LRMDA: variants seen among roughly 807,000 people sequenced by gnomAD.
LRMDA encodes the protein leucine-rich melanocyte differentiation-associated protein.
In LRMDA, 18 loss-of-function variants were observed where a neutral mutation model predicts 29.8. The observed-to-expected ratio is 0.60, with a 90% CI of 0.42 to 0.90. The LOEUF (loss-of-function observed/expected upper bound fraction) is 0.90. LRMDA is among the 40% of genes least tolerant of loss of function. The pLI is 0.00. For synonymous variants in LRMDA, 125 were observed against 109.4 expected (o/e 1.14, Z -0.89); for missense variants, 273 against 273.9 (o/e 1.00, Z 0.02).
chr10:75,474,370 A>G (rs905451111), intron 2 of LRMDA, among the ~76,000 whole-genome samples: 1 of 152,230 alleles, frequency 6.6e-6, no homozygotes, highest in South Asian at 2.1e-4. Context: ...GGGAAGTCCA[A>G]GATCAAGGGA....
chr10:76,172,149 G>A (rs1165331585), intron 5 of LRMDA, among the ~76,000 whole-genome samples: 1 of 152,102 alleles, frequency 6.6e-6, no homozygotes, highest in Admixed American at 6.6e-5. Context: ...GAAGGCACTG[G>A]GCATTAATCT....
rs1260570984 is a variant in LRMDA at position 75,796,342 on chromosome 10, A to G, written c.132-239666A>G. ...AGAAGTTCTTACATGCCTTTTATCAACTTGAGGAAGTTCCCTTATATTCCT... is the reference window on the plus strand; with the variant it reads ...AGAAGTTCTTACATGCCTTTTATCAGCTTGAGGAAGTTCCCTTATATTCCT... On this transcript the variant is annotated intron_variant, in intron 2 of 6. Coordinates refer to ENST00000611255, the MANE Select transcript of LRMDA (RefSeq NM_001305581.2). 6.6e-5 allele frequency among the ~76,000 whole-genome samples: 10 copies of G among 152,288 alleles called. No individual in the cohort carries two copies. In the South Asian group the frequency reaches 2.1e-3, roughly 32 times the overall value.
rs375718396 is a variant in LRMDA at position 75,696,521 on chromosome 10, T to C, written c.131+258027T>C. Among the ~76,000 whole-genome samples, 18 of 152,368 alleles carry C rather than the reference T, an allele frequency of 1.2e-4. No individual in the cohort carries two copies. The East Asian group carries it at 3.1e-3, about 26-fold the overall frequency. On this transcript the variant is annotated intron_variant, in intron 2 of 6. Transcript: ENST00000611255. ...ATTGGTTATTCACAAAAGATACTTA[T>C]TAAAAACCTTCTCTGAACATAAAAA...
At chr10:76,386,385 AT>A (rs1267249386) in intron 6 of LRMDA, among the ~76,000 whole-genome samples, 33 of 152,244 alleles carry the variant, frequency 2.2e-4, no homozygotes, top group African/African-American at 7.7e-4. Context: ...CTGCTCACCC[AT>A]TTTCGGTTAA....
At chr10:76,141,329 G>A (rs1387003773) in intron 5 of LRMDA, among the ~76,000 whole-genome samples, 2 of 151,978 alleles carry the variant, frequency 1.3e-5, no homozygotes, top group African/African-American at 4.8e-5. Context: ...GGCAGCAATG[G>A]ATTACTAAAA....
At chr10:75,749,625 C>CT (rs76643743) in intron 2 of LRMDA, among the ~76,000 whole-genome samples, 1,643 of 128,716 alleles carry the variant, frequency 0.013, 7 homozygotes, top group African/African-American at 0.016. Flanking sequence ...AATATAGAAA[C>CT]TTTTTTTTTT....
chr10:75,926,188 A>G (rs1846117316), intron 2 of LRMDA, among the ~76,000 whole-genome samples: 1 of 152,124 alleles, frequency 6.6e-6, no homozygotes, highest in African/African-American at 2.4e-5. Context: ...CTTTCTGGGA[A>G]GGATTTTATT....
intron 2 of LRMDA, among the ~76,000 whole-genome samples, chr10:76,024,903 C>T (rs1261910516): frequency 6.6e-6 from 1 of 152,210 alleles, no homozygotes; most frequent in Non-Finnish European, 1.5e-5. Flanking sequence ...CATATGTTTG[C>T]CCAATGGCTG....
intron 2 of LRMDA, among the ~76,000 whole-genome samples, chr10:75,907,445 A>C: frequency 6.6e-6 from 1 of 152,222 alleles, no homozygotes; most frequent in Admixed American, 6.5e-5. Flanking sequence ...TTCTAAACTC[A>C]TTCTGCTAAA....
intron 2 of LRMDA, among the ~76,000 whole-genome samples, chr10:75,795,902 GT>G (rs1169032330): frequency 6.6e-6 from 1 of 151,870 alleles, no homozygotes. Flanking sequence ...GGTGTTTTGT[GT>G]TTTTTTAGTG....
intron 2 of LRMDA, among the ~76,000 whole-genome samples, chr10:75,494,661 G>A (rs530279220): frequency 2.0e-5 from 3 of 151,696 alleles, no homozygotes; most frequent in South Asian, 4.2e-4. Context: ...TCACCACACC[G>A]GGCTAATTTT....
chr10:76,044,439 GTTTTTTTTTTT>G (rs3042545), intron 3 of LRMDA, among the ~76,000 whole-genome samples: 1 of 137,020 alleles, frequency 7.3e-6, no homozygotes, highest in African/African-American at 2.7e-5. Flanking sequence ...TTTTTTCTTT[GTTTTTTTTTTT>G]TTTTTTCTTT....
At chr10:76,052,379 G>A (rs563493956) in intron 4 of LRMDA, among the ~76,000 whole-genome samples, 6 of 152,276 alleles carry the variant, frequency 3.9e-5, no homozygotes, top group African/African-American at 1.4e-4. Context: ...GACCGTGGAG[G>A]CCCATCTGAG....
At chr10:76,014,145 ATT>A in intron 2 of LRMDA, among the ~76,000 whole-genome samples, 1 of 120,760 alleles carries the variant, frequency 8.3e-6, no homozygotes, top group African/African-American at 3.3e-5. Context: ...TATATATATA[ATT>A]ATATATATAT....
intron 2 of LRMDA, among the ~76,000 whole-genome samples, chr10:75,764,325 C>A (rs59917451): frequency 0.076 from 11,639 of 152,178 alleles, 1,217 homozygotes; most frequent in African/African-American, 0.24. Context: ...TTTCCAGCTC[C>A]GGTGCAAAGC....
chr10:76,219,903 T>C (rs1250680969), intron 5 of LRMDA, among the ~76,000 whole-genome samples: 8 of 152,230 alleles, frequency 5.3e-5, no homozygotes, highest in African/African-American at 1.9e-4. Flanking sequence ...AGATCAGAAA[T>C]TATAGCAAAC....
intron 5 of LRMDA, among the ~76,000 whole-genome samples, chr10:76,179,529 C>T (rs1251239020): frequency 1.3e-5 from 2 of 151,910 alleles, no homozygotes; most frequent in Non-Finnish European, 1.5e-5. Flanking sequence ...GAGCTTATGA[C>T]GATGTTTTGA....
intron 2 of LRMDA, among the ~76,000 whole-genome samples, chr10:75,499,383 T>G (rs1166169026): frequency 6.6e-6 from 1 of 152,184 alleles, no homozygotes; most frequent in Non-Finnish European, 1.5e-5. Context: ...GGATGGGAAG[T>G]GAAGCCAAGC....
intron 2 of LRMDA, among the ~76,000 whole-genome samples, chr10:75,889,597 G>A (rs1845449171): frequency 6.6e-6 from 1 of 152,188 alleles, no homozygotes; most frequent in Non-Finnish European, 1.5e-5. Context: ...GTGAGATTGG[G>A]TGATTGTGCA....
Sources: allele counts gnomAD v4.1 joint callset (sites outside exome capture counted in the v4.1 genomes callset), GRCh38; gene constraint gnomAD v4.1.1; transcripts MANE v1.5; gene names NCBI Gene and HGNC (gene_info 2026-07-23, HGNC 2026-07-21).